CAMK1G: variants seen among roughly 807,000 people sequenced by gnomAD.
The protein encoded by CAMK1G is calcium/calmodulin dependent protein kinase IG.
A neutral mutation model predicts 54.8 loss-of-function variants in CAMK1G; 27 were observed. That is an observed-to-expected ratio of 0.49 (90% CI 0.36 to 0.68). The LOEUF (loss-of-function observed/expected upper bound fraction) is 0.68, where lower values mean the gene tolerates loss of function less well. Among genes scored for constraint, CAMK1G ranks in the 30% least tolerant of loss-of-function variants. The pLI, the probability that CAMK1G is intolerant of heterozygous loss-of-function variation, is 0.00. For missense variants in CAMK1G, 512 were observed against 591.0 expected (o/e 0.87, Z 1.39); for synonymous variants, 238 against 224.9 (o/e 1.06, Z -0.52).
Position 209,611,837 on chromosome 1 carries a change from C to T in CAMK1G, c.961C>T (p.His321Tyr), listed in dbSNP as rs747734197. ...AAVVHHMRKL[H>Y]MNLHSPGVRP... ...TGTGGTGCACCACATGAGGAAGCTACACATGAACCTGCACAGCCCGGGCGT... is the reference window on the plus strand; with the variant it reads ...TGTGGTGCACCACATGAGGAAGCTATACATGAACCTGCACAGCCCGGGCGT... The change falls in exon 11 of 13, where the codon CAC becomes TAC. Residue 321 changes from histidine (H) to tyrosine (Y), a missense_variant. By Grantham distance (83) the His-to-Tyr change is moderately conservative. Around this residue, in one of 3 missense-constraint regions of CAMK1G, gnomAD observed 315 missense variants for 330.5 expected, o/e 0.95. Coordinates refer to ENST00000361322, the MANE Select transcript of CAMK1G (RefSeq NM_020439.3). 1 of 1,614,210 alleles carries T rather than the reference C, an allele frequency of 6.2e-7. No homozygotes were observed. The highest frequency in any genetic ancestry group is 8.5e-7 in the Non-Finnish European group (1 of 1,180,052).
At chr1:209,604,985 C>A (rs1369086145) in intron 4 of CAMK1G, among the ~76,000 whole-genome samples, 1 of 152,170 alleles carries the variant, frequency 6.6e-6, no homozygotes, top group South Asian at 2.1e-4. Flanking sequence ...CAGACTTGAT[C>A]TTTAAGCTCC....
intron 8 of CAMK1G, 87 bp downstream of exon 8, chr1:209,609,179 G>T (rs142183885): frequency 6.5e-7 from 1 of 1,528,660 alleles, no homozygotes; most frequent in African/African-American, 1.4e-5. Flanking sequence ...TGACAGTCCC[G>T]GCTCTTCAAA....
At chr1:209,604,195 G>A (rs1320607401) in intron 4 of CAMK1G, among the ~76,000 whole-genome samples, 1 of 152,186 alleles carries the variant, frequency 6.6e-6, no homozygotes, top group Non-Finnish European at 1.5e-5. Flanking sequence ...TTAACTGGGG[G>A]CTTATCTGAG....
At chr1:209,608,582 T>A (rs1480573950) in intron 7 of CAMK1G, among the ~76,000 whole-genome samples, 1 of 152,244 alleles carries the variant, frequency 6.6e-6, no homozygotes, top group Non-Finnish European at 1.5e-5. Flanking sequence ...CATCTATCCC[T>A]GTGCTAGGTT....
At chr1:209,593,752 CTT>C (rs1665313458) in intron 1 of CAMK1G, among the ~76,000 whole-genome samples, 1 of 151,832 alleles carries the variant, frequency 6.6e-6, no homozygotes, top group South Asian at 2.1e-4. Flanking sequence ...TCATCTCTCT[CTT>C]CACATCTCTC....
intron 1 of CAMK1G, among the ~76,000 whole-genome samples, chr1:209,593,343 G>GGCAGC (rs1308537846): frequency 6.6e-6 from 1 of 152,150 alleles, no homozygotes; most frequent in Non-Finnish European, 1.5e-5. Flanking sequence ...GCCCAAGAGG[G>GGCAGC]GCAGCTATTA....
intron 6 of CAMK1G, among the ~76,000 whole-genome samples, chr1:209,607,210 A>G (rs1665671848): frequency 6.6e-6 from 1 of 152,176 alleles, no homozygotes; most frequent in South Asian, 2.1e-4. Context: ...GAGTCCCACC[A>G]GGTACAAAGC....
chr1:209,592,106 G>T (rs563322427), intron 1 of CAMK1G, among the ~76,000 whole-genome samples: 3 of 152,160 alleles, frequency 2.0e-5, no homozygotes, highest in South Asian at 2.1e-4. Flanking sequence ...CAGCACATTG[G>T]GGGGCGAAGA....
intron 1 of CAMK1G, among the ~76,000 whole-genome samples, chr1:209,592,111 C>T (rs1053081666): frequency 3.3e-5 from 5 of 151,908 alleles, no homozygotes; most frequent in South Asian, 2.1e-4. Flanking sequence ...CATTGGGGGG[C>T]GAAGATGGGA....
At chr1:209,597,693 G>T (rs1304984644) in intron 2 of CAMK1G, among the ~76,000 whole-genome samples, 2 of 152,182 alleles carry the variant, frequency 1.3e-5, no homozygotes, top group African/African-American at 4.8e-5. Context: ...TGGGAAAACA[G>T]GAAACTCAGA....
At chr1:209,601,114 G>T (rs566853937) in intron 3 of CAMK1G, among the ~76,000 whole-genome samples, 118 of 152,324 alleles carry the variant, frequency 7.7e-4, no homozygotes, top group Non-Finnish European at 1.4e-3. Context: ...CACATTGTCT[G>T]ATTAACATGT....
rs757366522 is a variant in CAMK1G at position 209,612,152 on chromosome 1, G to T, written c.1276G>T (p.Gly426Trp). ...CTGCTGCTCCAGCTGCCTGAACATT[G>T]GGAGCAAAGGAAAGTCCTCCTACTG... Reference protein sequence around the residue: ...CGCCSSCLNIGSKGKSSYCSE... With the variant: ...CGCCSSCLNIWSKGKSSYCSE... Residue 426 changes from glycine to tryptophan, a missense_variant, in exon 11 of 13, where the codon GGG (glycine) becomes TGG (tryptophan). Coordinates refer to ENST00000361322, the MANE Select transcript of CAMK1G (RefSeq NM_020439.3). 26 of 1,614,072 alleles carry T rather than the reference G, an allele frequency of 1.6e-5. No homozygotes were observed. Among genetic ancestry groups the T allele is most frequent in the Admixed American group, 8.3e-5 (5 of 60,008 alleles).
intron 7 of CAMK1G, among the ~76,000 whole-genome samples, chr1:209,608,502 C>T (rs1665704411): frequency 6.6e-6 from 1 of 152,212 alleles, no homozygotes; most frequent in Non-Finnish European, 1.5e-5. Flanking sequence ...TTTCAATTAT[C>T]TCCTCCATTT....
chr1:209,589,952 C>T (rs1040970989), intron 1 of CAMK1G, among the ~76,000 whole-genome samples: 21 of 152,146 alleles, frequency 1.4e-4, no homozygotes, highest in African/African-American at 5.1e-4. Context: ...GAGAATCTTG[C>T]TGTGCTGAGG....
chr1:209,588,856 TCA>T (rs1159496323), intron 1 of CAMK1G, among the ~76,000 whole-genome samples: 1 of 152,130 alleles, frequency 6.6e-6, no homozygotes, highest in Non-Finnish European at 1.5e-5. Context: ...TAAGCAAGCA[TCA>T]CACAGCCTGC....
chr1:209,608,815 C>T (rs964731586), intron 7 of CAMK1G, 165 bp from the exon 8 acceptor site: 2 of 495,150 alleles, frequency 4.0e-6, no homozygotes, highest in Admixed American at 6.4e-5. Flanking sequence ...TTTACGGGAC[C>T]TGTACCATTC....
intron 9 of CAMK1G, among the ~76,000 whole-genome samples, chr1:209,610,219 T>C (rs1001943619): frequency 1.7e-4 from 26 of 152,172 alleles, no homozygotes; most frequent in African/African-American, 5.3e-4. Flanking sequence ...TCAGTACTAG[T>C]TATTCAAGAA....
At chr1:209,588,250 A>G (rs1000261132) in intron 1 of CAMK1G, among the ~76,000 whole-genome samples, 1 of 152,184 alleles carries the variant, frequency 6.6e-6, no homozygotes, top group African/African-American at 2.4e-5. Flanking sequence ...CCCTGTCCCC[A>G]TATCCTCTGG....
intron 11 of CAMK1G, 165 bp from the exon 12 acceptor site, chr1:209,612,620 G>C (rs1474356495): frequency 5.9e-6 from 1 of 168,786 alleles, no homozygotes. Flanking sequence ...AGTGTAGGGG[G>C]GCTTGGTTAT....
Sources: gnomAD v4.1 joint callset for allele counts (sites outside exome capture counted in the v4.1 genomes callset) on GRCh38, gnomAD v4.1.1 for gene constraint, gnomAD v4.1.1 regional missense constraint, MANE v1.5 for transcripts, NCBI Gene and HGNC (gene_info 2026-07-23, HGNC 2026-07-21) for gene names.